The following KLHDC10 variants were observed in gnomAD, a reference collection of about 807,000 sequenced individuals.
The protein encoded by KLHDC10 is kelch domain-containing protein 10.
A neutral mutation model predicts 56.1 loss-of-function variants in KLHDC10; 24 were observed. The observed-to-expected ratio is 0.43, with a 90% CI of 0.31 to 0.60. KLHDC10 has a LOEUF of 0.60. Among genes scored for constraint, KLHDC10 ranks in the 20% least tolerant of loss-of-function variants. KLHDC10 has a pLI of 0.11. For synonymous variants in KLHDC10, 188 were observed against 207.1 expected (o/e 0.91, Z 0.79); for missense variants, 349 against 567.0 (o/e 0.62, Z 3.91).
intron 2 of KLHDC10, among the ~76,000 whole-genome samples, chr7:130,105,066 C>A (rs1795990278): frequency 6.6e-6 from 1 of 152,124 alleles, no homozygotes; most frequent in African/African-American, 2.4e-5. Flanking sequence ...TACAAACTCA[C>A]AGGAATTGCT....
rs551027878 is a variant in KLHDC10, at chr7:130,118,589, G to A, written c.475+1923G>A. 2.0e-4 allele frequency among the ~76,000 whole-genome samples: 31 copies of A among 152,240 alleles called. 1 individual carries two copies. Among genetic ancestry groups the A allele is most frequent in the African/African-American group, 6.5e-4 (27 of 41,528 alleles). ...AACTTTTCCTTTGCATTCACAATTC[G>A]GCTAACTGTTGAAAGAGGCCTAGCT... On this transcript the variant is annotated intron_variant, in intron 3 of 9. Transcript: ENST00000335420.
At chr7:130,096,541 T>G (rs1191638875) in intron 1 of KLHDC10, among the ~76,000 whole-genome samples, 1 of 152,158 alleles carries the variant, frequency 6.6e-6, no homozygotes. Flanking sequence ...TTATGTCCAA[T>G]TAGTTTCAGA....
intron 2 of KLHDC10, among the ~76,000 whole-genome samples, chr7:130,114,631 T>G (rs952728909): frequency 1.1e-4 from 16 of 152,174 alleles, no homozygotes; most frequent in African/African-American, 3.9e-4. Context: ...TCATTTAAGG[T>G]AAATAGTAAA....
intron 1 of KLHDC10, among the ~76,000 whole-genome samples, chr7:130,077,048 C>T (rs1451449844): frequency 1.3e-5 from 2 of 152,052 alleles, no homozygotes; most frequent in Admixed American, 6.6e-5. Flanking sequence ...ATATTCATTT[C>T]TTTATGTTCA....
rs1348605014 is a variant in KLHDC10 at position 130,133,232 on chromosome 7, T to C, written c.*2486T>C. The C allele has an allele frequency of 6.6e-6, 1 of 152,182 alleles. No homozygotes were observed. Among genetic ancestry groups the C allele is most frequent in the Non-Finnish European group, 1.5e-5 (1 of 68,036 alleles). 9.4% of individuals were successfully genotyped at this position (152,182 alleles called of 1,614,324 possible). On this transcript the variant is annotated 3_prime_UTR_variant, in exon 10 of 10. Coordinates refer to ENST00000335420, the MANE Select transcript of KLHDC10 (RefSeq NM_014997.4). ...TAAGTGTAGATAACTAGAAATTAGA[T>C]AGGGGTCATCAGGCGTTTCGGTATA...
chr7:130,119,537 T>TAAAAAAAA (rs11317882), intron 3 of KLHDC10, among the ~76,000 whole-genome samples: 1 of 100,384 alleles, frequency 1.0e-5, no homozygotes, highest in African/African-American at 3.9e-5. Context: ...AAAAAAGAGT[T>TAAAAAAAA]AAAAAAAAAA....
intron 1 of KLHDC10, among the ~76,000 whole-genome samples, chr7:130,080,554 G>A (rs1266693447): frequency 6.6e-6 from 1 of 151,518 alleles, no homozygotes; most frequent in African/African-American, 2.4e-5. Context: ...CACTACACCT[G>A]GCTAATTAAA....
chr7:130,104,910 A>G (rs570945045), intron 2 of KLHDC10, among the ~76,000 whole-genome samples: 22 of 152,310 alleles, frequency 1.4e-4, no homozygotes, highest in Middle Eastern at 3.4e-3. Flanking sequence ...GGGGATTACA[A>G]TTGAACATGA....
chr7:130,121,721 T>C (rs1447617356), intron 4 of KLHDC10, among the ~76,000 whole-genome samples: 1 of 152,240 alleles, frequency 6.6e-6, no homozygotes, highest in Non-Finnish European at 1.5e-5. Context: ...AGCATTTTTC[T>C]TCAGACTGCT....
rs868862454 is a variant in KLHDC10, at chr7:130,133,431, A to G, written c.*2685A>G. On this transcript the variant is annotated 3_prime_UTR_variant, in exon 10 of 10. Transcript: ENST00000335420. Reference sequence around the variant, plus strand: ...TACAGATTATATATAGGGTGTAACTATAAAGCAGGTAGACTACTTTTTTGC... The same window carrying G: ...TACAGATTATATATAGGGTGTAACTGTAAAGCAGGTAGACTACTTTTTTGC... 2 of 152,258 alleles carry G rather than the reference A, an allele frequency of 1.3e-5. No homozygotes were observed. Among genetic ancestry groups the G allele is most frequent in the Non-Finnish European group, 2.9e-5 (2 of 68,048 alleles). 9.4% of individuals were successfully genotyped at this position (152,258 alleles called of 1,614,324 possible).
Position 130,133,193 on chromosome 7 carries a change from T to G in KLHDC10, c.*2447T>G, listed in dbSNP as rs1796423755. 1 of 152,234 alleles carries G rather than the reference T, an allele frequency of 6.6e-6. No homozygotes were observed. The allele number at this position is 152,234 out of a possible 1,614,324, so 9.4% of individuals were successfully genotyped here. A position where few individuals can be genotyped will look rare whatever the true frequency, so the allele number is the denominator to read the frequency against. On this transcript the variant is annotated 3_prime_UTR_variant, in exon 10 of 10. Coordinates refer to ENST00000335420, the MANE Select transcript of KLHDC10 (RefSeq NM_014997.4). ...ACATGTTCTGGATGCCAAATGAGAC[T>G]GTGTGTAAATGACTAAGTGTAGATA...
At chr7:130,073,587 C>T (rs955035842) in intron 1 of KLHDC10, among the ~76,000 whole-genome samples, 2 of 152,134 alleles carry the variant, frequency 1.3e-5, no homozygotes, top group Admixed American at 6.5e-5. Context: ...TGAGTCACAG[C>T]GCCCAGCCAG....
At chr7:130,108,431 G>A (rs1002092133) in intron 2 of KLHDC10, among the ~76,000 whole-genome samples, 1 of 151,304 alleles carries the variant, frequency 6.6e-6, no homozygotes, top group African/African-American at 2.4e-5. Flanking sequence ...GGCCGGGCAC[G>A]GTGGCTCACG....
Position 130,124,476 on chromosome 7 carries a change from G to A in KLHDC10, c.805G>A (p.Gly269Arg), listed in dbSNP as rs1157901804. The A allele has an allele frequency of 3.1e-6, 5 of 1,601,408 alleles. No individual in the cohort carries two copies. Among genetic ancestry groups the A allele is most frequent in the East Asian group, 4.5e-5 (2 of 44,798 alleles). ...ATACCGACATGAAATTGCACATGAC[G>A]GGCAGAGGATTTACATCTTGGGAGG... ...ERYRHEIAHDGQRIYILGGGT... is the reference protein window; with the variant it reads ...ERYRHEIAHDRQRIYILGGGT... The change falls in exon 6 of 10, where the codon GGG becomes AGG. Residue 269 changes from glycine to arginine, a missense_variant. Gly to Arg is a moderately radical substitution (Grantham distance 125). This residue lies in a region of KLHDC10 where 245 missense variants were observed against 470.1 expected (regional missense o/e 0.52). Transcript: ENST00000335420.
intron 2 of KLHDC10, among the ~76,000 whole-genome samples, chr7:130,102,526 A>G (rs939805239): frequency 5.3e-5 from 8 of 152,220 alleles, no homozygotes; most frequent in Middle Eastern, 3.2e-3. Context: ...ATAAATTTAA[A>G]AAAACAGCTT....
intron 1 of KLHDC10, among the ~76,000 whole-genome samples, chr7:130,090,885 G>A (rs2116861740): frequency 6.6e-6 from 1 of 152,078 alleles, no homozygotes; most frequent in South Asian, 2.1e-4. Context: ...GTTCCCTGGT[G>A]GTGCCCTGAT....
Position 130,118,811 on chromosome 7 carries a change from G to A in KLHDC10, c.476-1938G>A, listed in dbSNP as rs112637535. 6.2e-3 allele frequency among the ~76,000 whole-genome samples: 938 copies of A among 152,260 alleles called. 8 individuals carry two copies. Among genetic ancestry groups the A allele is most frequent in the African/African-American group, 0.02 (849 of 41,536 alleles). ...CCTGAGGAGAGGGAAAAAGATGAGG[G>A]AATGGCTGATTGGTGCAGTCAAAAC... On this transcript the variant is annotated intron_variant, in intron 3 of 9. Transcript: ENST00000335420.
intron 6 of KLHDC10, among the ~76,000 whole-genome samples, chr7:130,125,208 G>C (rs1796298524): frequency 6.6e-6 from 1 of 152,186 alleles, no homozygotes; most frequent in South Asian, 2.1e-4. Context: ...ATGCACTGCA[G>C]CTTCTCATTC....
chr7:130,077,756 C>A (rs1795534601), intron 1 of KLHDC10, among the ~76,000 whole-genome samples: 1 of 151,676 alleles, frequency 6.6e-6, no homozygotes, highest in Non-Finnish European at 1.5e-5. Context: ...GGGGTTTCAC[C>A]ATGTTAGCCA....
Sources: allele counts gnomAD v4.1 joint callset (sites outside exome capture counted in the v4.1 genomes callset), GRCh38; gene constraint gnomAD v4.1.1; regional missense constraint gnomAD v4.1.1; transcripts MANE v1.5; gene names NCBI Gene and HGNC (gene_info 2026-07-23, HGNC 2026-07-21).